CELF5: variants seen among roughly 807,000 people sequenced by gnomAD.
CELF5 encodes CUGBP Elav-like family member 5.
CELF5 carries 6 observed loss-of-function variants against 54.9 expected under a neutral mutation model. That is an observed-to-expected ratio of 0.11 (90% CI 0.06 to 0.22). The LOEUF (loss-of-function observed/expected upper bound fraction) is 0.22, where lower values mean the gene tolerates loss of function less well. CELF5 is among the 10% of genes least tolerant of loss of function. The pLI is 1.00. For synonymous variants in CELF5, 271 were observed against 290.9 expected, an observed-to-expected ratio of 0.93 and a Z score of 0.70; for missense variants, 401 against 678.6, an observed-to-expected ratio of 0.59 and a Z score of 4.54.
intron 1 of CELF5, 94 bp from the exon 2 acceptor site, chr19:3,250,891 G>GTC: frequency 1.6e-6 from 1 of 610,996 alleles, no homozygotes; most frequent in Non-Finnish European, 2.8e-6. Context: ...ATGGAAGCTT[G>GTC]GGTTGCTTCC....
At position 3,293,493 on chromosome 19, in the gene CELF5, C is replaced by T. The variant is rs773133712; in HGVS notation, c.*40+7C>T. The T allele has an allele frequency of 1.1e-5, 18 of 1,598,504 alleles. No homozygotes were observed. Among genetic ancestry groups the T allele is most frequent in the Middle Eastern group, 1.7e-4 (1 of 5,984 alleles). On this transcript the variant is annotated splice_region_variant and intron_variant, in intron 12 of 12. Transcript: ENST00000292672. ...GGCTGTAGGCATGGCCCAGGTGAGC[C>T]GCCAGGCGGCCCCACCCCCGCCCAA...
intron 1 of CELF5, chr19:3,225,507 C>T: frequency 1.2e-6 from 1 of 857,690 alleles, no homozygotes; most frequent in Non-Finnish European, 1.4e-6. Context: ...CAGGCCCCGT[C>T]GGGGAAGTTT....
At chr19:3,279,254 G>A (rs1458320244) in intron 5 of CELF5, among the ~76,000 whole-genome samples, 2 of 151,736 alleles carry the variant, frequency 1.3e-5, no homozygotes, top group Non-Finnish European at 2.9e-5. Context: ...GGGGATTGGG[G>A]ACAGGTCCCA....
intron 12 of CELF5, chr19:3,294,446 G>C (rs2080402207): frequency 6.6e-6 from 1 of 151,622 alleles, no homozygotes; most frequent in Admixed American, 6.6e-5. Context: ...GTCGTCATCA[G>C]AGTCTCGCCT....
chr19:3,257,025 T>C (rs1021903107), intron 2 of CELF5, among the ~76,000 whole-genome samples: 1 of 151,966 alleles, frequency 6.6e-6, no homozygotes, highest in African/African-American at 2.4e-5. Context: ...CCCAGGCCCG[T>C]CCCGAACTCC....
At chr19:3,250,208 G>T (rs2079628809) in intron 1 of CELF5, among the ~76,000 whole-genome samples, 1 of 152,202 alleles carries the variant, frequency 6.6e-6, no homozygotes, top group African/African-American at 2.4e-5. Context: ...CATGGTTCAG[G>T]CCGGGTGCGG....
At chr19:3,250,922 G>A (rs1277999461) in intron 1 of CELF5, 63 bp from the exon 2 acceptor site, 4 of 1,207,354 alleles carry the variant, frequency 3.3e-6, no homozygotes, top group South Asian at 1.3e-5. Flanking sequence ...CACTGTGGGT[G>A]GTGCTGCTGT....
chr19:3,282,035 C>T lies in CELF5; in HGVS notation c.751-91C>T. ...TGAGCCAAGATACCCAGCCTGACCT[C>T]CTCACTAGTAACTGGGGTACCAAGC... On this transcript the variant is annotated intron_variant, in intron 6 of 12. Coordinates refer to ENST00000292672, the MANE Select transcript of CELF5 (RefSeq NM_021938.4). This position sits in a 1 kb window ranked among gnomAD's most constrained non-coding sequence, Gnocchi z 5.2. The T allele has an allele frequency of 1.4e-6, 2 of 1,449,202 alleles. No homozygotes were observed. The allele number at this position is 1,449,202 out of a possible 1,614,324, so 89.8% of individuals were successfully genotyped here.
chr19:3,291,586 A>AAG (rs1045408646), intron 11 of CELF5, among the ~76,000 whole-genome samples: 3 of 151,470 alleles, frequency 2.0e-5, no homozygotes, highest in Non-Finnish European at 4.4e-5. Flanking sequence ...AAAAAAAAAA[A>AAG]AAAGAACTGA....
Position 3,278,213 on chromosome 19 carries a change from C to T in CELF5, c.603+103C>T. 10 of 828,180 alleles carry T rather than the reference C, an allele frequency of 1.2e-5. No individual in the cohort carries two copies. The highest frequency in any genetic ancestry group is 1.9e-5 in the Non-Finnish European group (10 of 521,122). 51.3% of individuals were successfully genotyped at this position (828,180 alleles called of 1,614,324 possible). On this transcript the variant is annotated intron_variant, in intron 5 of 12. Transcript: ENST00000292672. This position sits in a 1 kb window ranked among gnomAD's most constrained non-coding sequence, Gnocchi z 4.5. ...TCCTACCGTCGCTGTCATCCGGTAG[C>T]CCCTGGCTGTCCTTCAGAGGGGGCA...
At chr19:3,261,925 A>G (rs954327077) in intron 2 of CELF5, among the ~76,000 whole-genome samples, 4 of 152,134 alleles carry the variant, frequency 2.6e-5, no homozygotes, top group Non-Finnish European at 5.9e-5. Flanking sequence ...AGTGGTGGAT[A>G]AGTTCTCTGC....
At chr19:3,254,566 C>A (rs72987058) in intron 2 of CELF5, among the ~76,000 whole-genome samples, 5 of 151,074 alleles carry the variant, frequency 3.3e-5, no homozygotes, top group Admixed American at 3.3e-4. Context: ...TCCACCCATC[C>A]ACCCATCAAT....
chr19:3,260,170 G>A (rs1262331369), intron 2 of CELF5, among the ~76,000 whole-genome samples: 1 of 152,158 alleles, frequency 6.6e-6, no homozygotes, highest in Non-Finnish European at 1.5e-5. Flanking sequence ...AGGCCGGAGT[G>A]CAGGGGCGTG....
At chr19:3,230,311 G>T (rs1420391100) in intron 1 of CELF5, among the ~76,000 whole-genome samples, 1 of 152,158 alleles carries the variant, frequency 6.6e-6, no homozygotes, top group African/African-American at 2.4e-5. Context: ...GGCTTTGAAG[G>T]ATCGACAGGA....
In CELF5 at chr19:3,281,121, C is replaced by A; in HGVS notation, c.604-78C>A. 6.6e-7 allele frequency: 1 copy of A among 1,525,288 alleles called. No individual in the cohort carries two copies. The highest frequency in any genetic ancestry group is 8.9e-7 in the Non-Finnish European group (1 of 1,122,516). 94.5% of individuals were successfully genotyped at this position (1,525,288 alleles called of 1,614,324 possible). A position where few individuals can be genotyped will look rare whatever the true frequency, so the allele number is the denominator to read the frequency against. On this transcript the variant is annotated intron_variant, in intron 5 of 12. Transcript: ENST00000292672. This position sits in a 1 kb window ranked among gnomAD's most constrained non-coding sequence, Gnocchi z 6.5. ...ACACCCCTCACCCAGGAGGCCTGAG[C>A]TAACATGAATCCAGGGACCCCAGAG... is the stretch of plus-strand genomic sequence containing the variant.
intron 2 of CELF5, among the ~76,000 whole-genome samples, chr19:3,253,176 G>A (rs1485762497): frequency 6.6e-6 from 1 of 152,028 alleles, no homozygotes; most frequent in Admixed American, 6.6e-5. Context: ...GGGCAGGTCA[G>A]TCCATACAGA....
intron 4 of CELF5, 65 bp downstream of exon 4, chr19:3,276,049 T>G (rs1249595501): frequency 6.4e-3 from 144 of 22,484 alleles, no homozygotes; most frequent in East Asian, 0.01. Flanking sequence ...GCGGGGCCTG[T>G]GGGGAGGGTG....
chr19:3,282,757 G>A lies in CELF5; in HGVS notation c.1039+259G>A, dbSNP rs372437452. ...CCCTGGATGGGCTCTTTACGTCCCT[G>A]AGCCTCAGTTTGCTCATCTGGAAAA... On this transcript the variant is annotated intron_variant, in intron 8 of 12. Transcript: ENST00000292672. This position sits in a 1 kb window ranked among gnomAD's most constrained non-coding sequence, Gnocchi z 5.2. Among the ~76,000 whole-genome samples, 3 of 152,144 alleles carry A rather than the reference G, an allele frequency of 2.0e-5. No homozygotes were observed. In the East Asian group the frequency reaches 5.8e-4, roughly 29 times the overall value.
intron 11 of CELF5, among the ~76,000 whole-genome samples, chr19:3,291,246 A>G (rs2080342777): frequency 6.6e-6 from 1 of 151,814 alleles, no homozygotes; most frequent in African/African-American, 2.4e-5. Context: ...AGCCCAGACA[A>G]CACAGCAAGA....
Sources: allele counts gnomAD v4.1 joint callset (sites outside exome capture counted in the v4.1 genomes callset), GRCh38; gene constraint gnomAD v4.1.1; non-coding constraint Gnocchi (gnomAD v3.1); transcripts MANE v1.5; gene names NCBI Gene and HGNC (gene_info 2026-07-23, HGNC 2026-07-21).